The following ASPHD1 variants were observed in gnomAD, a reference collection of about 807,000 sequenced individuals.
The protein encoded by ASPHD1 is aspartate beta-hydroxylase domain-containing protein 1.
Under a neutral mutation model 28.3 loss-of-function variants are expected in ASPHD1, and 20 were observed. The observed-to-expected ratio is 0.71, with a 90% CI of 0.50 to 1.03. The LOEUF (loss-of-function observed/expected upper bound fraction) is 1.03, where lower values mean the gene tolerates loss of function less well. Among genes scored for constraint, ASPHD1 ranks in the 50% least tolerant of loss-of-function variants. The pLI, the probability that ASPHD1 is intolerant of heterozygous loss-of-function variation, is 0.00. For synonymous variants in ASPHD1, 240 were observed against 221.2 expected (o/e 1.08, Z -0.75); for missense variants, 479 against 524.1 (o/e 0.91, Z 0.84).
At chr16:29,911,346 C>T in intron 3 of ASPHD1, 2 of 614,584 alleles carry the variant, frequency 3.3e-6, no homozygotes, top group Non-Finnish European at 2.9e-6. Context: ...AGAAGGGAAG[C>T]CACATGCGCT....
chr16:29,911,031 C>T (rs2068698499), downstream of ASPHD1: 1 of 1,614,140 alleles, frequency 6.2e-7, no homozygotes, highest in Non-Finnish European at 8.5e-7. Flanking sequence ...CACACCTCGG[C>T]GATTTTGCGG....
intron 3 of ASPHD1, among the ~76,000 whole-genome samples, chr16:29,912,553 G>A (rs2068733957): frequency 6.6e-6 from 1 of 152,198 alleles, no homozygotes; most frequent in Admixed American, 6.5e-5. Flanking sequence ...CAATTCTCCT[G>A]CCTCAGCCTC....
chr16:29,909,531 C>T (rs1056047795), downstream of ASPHD1, among the ~76,000 whole-genome samples: 4 of 152,050 alleles, frequency 2.6e-5, no homozygotes, highest in African/African-American at 9.7e-5. Flanking sequence ...GATTTCCAGC[C>T]CGGTACAGTA....
chr16:29,909,509 T>C (rs2068668545), downstream of ASPHD1, among the ~76,000 whole-genome samples: 1 of 152,106 alleles, frequency 6.6e-6, no homozygotes, highest in Non-Finnish European at 1.5e-5. Flanking sequence ...TGCTCAGCAC[T>C]TCATTCCCCT....
chr16:29,901,926 T>C lies in ASPHD1; in HGVS notation c.949+6T>C. On this transcript the variant is annotated splice_donor_region_variant and intron_variant, in intron 1 of 2. Coordinates refer to ENST00000308748, the MANE Select transcript of ASPHD1 (RefSeq NM_181718.4). The surrounding 1 kb of genome is among the most constrained non-coding windows in gnomAD (Gnocchi z 5.1). ...CCGGGTCAGATGCCATCTGGGTAAG[T>C]AGCTGCCGCCTACTGACAACCTCCT... The C allele has an allele frequency of 1.4e-6, 2 of 1,470,976 alleles. No homozygotes were observed. Among genetic ancestry groups the C allele is most frequent in the Non-Finnish European group, 9.0e-7 (1 of 1,113,600 alleles). The allele number at this position is 1,470,976 out of a possible 1,614,324, so 91.1% of individuals were successfully genotyped here.
chr16:29,906,437 G>A (rs2068614012), downstream of ASPHD1: 1 of 455,670 alleles, frequency 2.2e-6, no homozygotes, highest in East Asian at 6.9e-5. Flanking sequence ...GCCCAGGCCA[G>A]TCTAGTACAA....
chr16:29,900,731 G>T lies in ASPHD1; in HGVS notation c.-241G>T, dbSNP rs776830621. 1.4e-5 allele frequency: 8 copies of T among 577,690 alleles called. No individual in the cohort carries two copies. Among genetic ancestry groups the T allele is most frequent in the Non-Finnish European group, 2.1e-5 (7 of 327,024 alleles). 35.8% of individuals were successfully genotyped at this position (577,690 alleles called of 1,614,324 possible). ...AGGCTGCGGGTTCCCGGGACTGCAG[G>T]TCCAGGCAGGGTAGGAACCGCTGCC... is the stretch of plus-strand genomic sequence containing the variant. On this transcript the variant is annotated 5_prime_UTR_variant, in exon 1 of 3. Transcript: ENST00000308748.
At chr16:29,902,315 G>C (rs571427949) in intron 1 of ASPHD1, among the ~76,000 whole-genome samples, 91 of 152,322 alleles carry the variant, frequency 6.0e-4, no homozygotes, top group Non-Finnish European at 9.0e-4. Context: ...TATGGTCCCA[G>C]CTACTGGAGA....
chr16:29,901,114 G>C lies in ASPHD1; in HGVS notation c.143G>C (p.Gly48Ala). The stretch of plus-strand genomic sequence containing the variant: ...GAAGGGACAGGTGGGGAGCTGGGGG[G>C]ACAGGGGAACTGGGGTCCGGAGGAC... ...AMEGTGGELG[G>A]QGNWGPEDAP... is the part of the protein sequence containing the mutation. Residue 48 changes from glycine (G) to alanine (A), a missense_variant, in exon 1 of 3, where the codon GGA becomes GCA. Transcript: ENST00000308748. The surrounding 1 kb of genome is among the most constrained non-coding windows in gnomAD (Gnocchi z 5.1). 6.2e-7 allele frequency: 1 copy of C among 1,608,930 alleles called. No homozygotes were observed. Among genetic ancestry groups the C allele is most frequent in the Non-Finnish European group, 8.5e-7 (1 of 1,177,490 alleles).
At chr16:29,919,165 G>C (rs182880418) in intron 3 of ASPHD1, among the ~76,000 whole-genome samples, 1 of 152,188 alleles carries the variant, frequency 6.6e-6, no homozygotes, top group South Asian at 2.1e-4. Context: ...TAAACCAAAC[G>C]ATACCGGGAG....
At chr16:29,912,127 G>A in intron 3 of ASPHD1, 1 of 994,950 alleles carries the variant, frequency 1.0e-6, no homozygotes, top group African/African-American at 1.6e-5. Flanking sequence ...TCAAAAGCTG[G>A]TTGGGAACAA....
Position 29,901,352 on chromosome 16 carries a change from G to A in ASPHD1, c.381G>A (p.Gly127=), listed in dbSNP as rs775294139. Residue 127 remains glycine (G), a synonymous_variant, in exon 1 of 3, where the codon GGG becomes GGA. Coordinates refer to ENST00000308748, the MANE Select transcript of ASPHD1 (RefSeq NM_181718.4). This position sits in a 1 kb window ranked among gnomAD's most constrained non-coding sequence, Gnocchi z 5.1. ...GGPVGCSEAG[G]PSPGGPGDPG... ...CTGTGGGATGCTCGGAGGCCGGCGGGCCAAGCCCAGGGGGTCCTGGGGATC... is the reference window on the plus strand; with the variant it reads ...CTGTGGGATGCTCGGAGGCCGGCGGACCAAGCCCAGGGGGTCCTGGGGATC... 1.9e-6 allele frequency: 3 copies of A among 1,600,148 alleles called. No homozygotes were observed. The highest frequency in any genetic ancestry group is 1.7e-6 in the Non-Finnish European group (2 of 1,174,262).
chr16:29,902,023 CTCT>C (rs1390530489), intron 1 of ASPHD1, 103 bp downstream of exon 1: 8 of 966,162 alleles, frequency 8.3e-6, no homozygotes, highest in Non-Finnish European at 1.1e-5. Flanking sequence ...CATTGTGCCT[CTCT>C]TCTTCCATGG....
chr16:29,911,070 T>C (rs2068699311), intron 3 of ASPHD1: 1 of 1,614,106 alleles, frequency 6.2e-7, no homozygotes. Flanking sequence ...CAGCAGCAGA[T>C]CTCGTCCCCC....
At chr16:29,902,718 T>C (rs2068564220) in intron 1 of ASPHD1, among the ~76,000 whole-genome samples, 1 of 151,898 alleles carries the variant, frequency 6.6e-6, no homozygotes, top group Non-Finnish European at 1.5e-5. Context: ...GGTTTCACCA[T>C]GTTAGCCAGG....
In ASPHD1 at chr16:29,900,904, G is replaced by A. The variant is rs1053222776; in HGVS notation, c.-68G>A. On this transcript the variant is annotated 5_prime_UTR_variant, in exon 1 of 3. Coordinates refer to ENST00000308748, the MANE Select transcript of ASPHD1 (RefSeq NM_181718.4). Reference sequence around the variant, plus strand: ...GAAGAGGGTGAGGAGGCGACAGAGGGAGAGGAGGAAGAAGAGGTAGAAGGA... The same window carrying A: ...GAAGAGGGTGAGGAGGCGACAGAGGAAGAGGAGGAAGAAGAGGTAGAAGGA... 3 of 1,409,468 alleles carry A rather than the reference G, an allele frequency of 2.1e-6. No individual in the cohort carries two copies. Among genetic ancestry groups the A allele is most frequent in the African/African-American group, 1.4e-5 (1 of 70,074 alleles). 87.3% of individuals were successfully genotyped at this position (1,409,468 alleles called of 1,614,324 possible).
chr16:29,901,905 G>A lies in ASPHD1; in HGVS notation c.934G>A (p.Val312Ile), dbSNP rs2068554945. Residue 312 changes from valine to isoleucine, a missense_variant, in exon 1 of 3, where the codon GTC becomes ATC. Val to Ile is a conservative substitution (Grantham distance 29). Coordinates refer to ENST00000308748, the MANE Select transcript of ASPHD1 (RefSeq NM_181718.4). This position sits in a 1 kb window ranked among gnomAD's most constrained non-coding sequence, Gnocchi z 5.1. ...CCGCTGTGGGCCCACCAATGCCCGG[G>A]TCAGATGCCATCTGGGTAAGTAGCT... ...EGRCGPTNAR[V>I]RCHLGLKIPP... 2.0e-6 allele frequency: 3 copies of A among 1,499,216 alleles called. No individual in the cohort carries two copies. Among genetic ancestry groups the A allele is most frequent in the Non-Finnish European group, 2.7e-6 (3 of 1,127,688 alleles). 92.9% of individuals were successfully genotyped at this position (1,499,216 alleles called of 1,614,324 possible).
At chr16:29,916,347 C>T (rs551363039) in intron 3 of ASPHD1, among the ~76,000 whole-genome samples, 6 of 152,260 alleles carry the variant, frequency 3.9e-5, no homozygotes, top group African/African-American at 1.4e-4. Context: ...CCTTGGCCTC[C>T]AAAAGTTATG....
intron 1 of ASPHD1, among the ~76,000 whole-genome samples, chr16:29,904,419 C>G (rs1205342811): frequency 6.6e-6 from 1 of 151,416 alleles, no homozygotes; most frequent in African/African-American, 2.4e-5. Flanking sequence ...GCACTCCAAC[C>G]TGGCGACAGA....
Sources: allele counts gnomAD v4.1 joint callset (sites outside exome capture counted in the v4.1 genomes callset), GRCh38; gene constraint gnomAD v4.1.1; non-coding constraint Gnocchi (gnomAD v3.1); transcripts MANE v1.5; gene names NCBI Gene and HGNC (gene_info 2026-07-23, HGNC 2026-07-21).